Variants in LRRIQ3 observed in about 807,000 individuals in gnomAD.
LRRIQ3 encodes the protein leucine rich repeats and IQ motif containing 3.
Under a neutral mutation model 59.3 loss-of-function variants are expected in LRRIQ3, and 75 were observed. The ratio of observed to expected loss-of-function variants is 1.26; its 90% confidence interval spans 1.05 to 1.53. The LOEUF is 1.53. Among genes scored for constraint, LRRIQ3 ranks in the 40% most tolerant of loss-of-function variants. The pLI is 0.00. For missense variants in LRRIQ3, 831 were observed against 710.0 expected (o/e 1.17, Z -1.94); for synonymous variants, 250 against 231.3 (o/e 1.08, Z -0.73).
At chr1:74,165,962 C>T (rs988175038) in intron 3 of LRRIQ3, among the ~76,000 whole-genome samples, 7 of 151,580 alleles carry the variant, frequency 4.6e-5, no homozygotes, top group Non-Finnish European at 8.9e-5. Context: ...GAATTGTATT[C>T]GCTAATATTT....
At position 74,198,121 on chromosome 1, in the gene LRRIQ3, A is replaced by T; in HGVS notation, c.-126T>A. 1 of 1,409,626 alleles carries T rather than the reference A, an allele frequency of 7.1e-7. No individual in the cohort carries two copies. Among genetic ancestry groups the T allele is most frequent in the Non-Finnish European group, 9.4e-7 (1 of 1,067,982 alleles). 87.3% of individuals were successfully genotyped at this position (1,409,626 alleles called of 1,614,324 possible). A position where few individuals can be genotyped will look rare whatever the true frequency, so the allele number is the denominator to read the frequency against. On this transcript the variant is annotated 5_prime_UTR_variant, in exon 1 of 8. In the 5' UTR this introduces an upstream ATG that the reference lacks. Coordinates refer to ENST00000354431, the MANE Select transcript of LRRIQ3 (RefSeq NM_001105659.2). ...TGCTAGAGAAACAAGACAACATCCA[A>T]GTTCTCCACATCATGGTTTTCCGGG...
At chr1:74,030,052 C>T (rs924792269) in intron 7 of LRRIQ3, among the ~76,000 whole-genome samples, 9 of 152,014 alleles carry the variant, frequency 5.9e-5, no homozygotes, top group Non-Finnish European at 1.3e-4. Flanking sequence ...ACCTAGGGAT[C>T]CAACTTACCA....
intron 3 of LRRIQ3, among the ~76,000 whole-genome samples, chr1:74,172,616 T>C (rs900063816): frequency 2.0e-5 from 3 of 152,192 alleles, no homozygotes; most frequent in Admixed American, 2.0e-4. Context: ...TATTCAAGTC[T>C]GCTGTTCCCT....
chr1:74,195,123 GA>G (rs930888834), intron 1 of LRRIQ3, among the ~76,000 whole-genome samples: 5 of 151,784 alleles, frequency 3.3e-5, no homozygotes, highest in African/African-American at 7.3e-5. Context: ...GGCATAGTGA[GA>G]AAAAAAATAT....
chr1:74,130,415 T>C (rs1474136830), intron 4 of LRRIQ3, among the ~76,000 whole-genome samples: 1 of 152,064 alleles, frequency 6.6e-6, no homozygotes, highest in East Asian at 1.9e-4. Flanking sequence ...AGTTCCACAA[T>C]TACTGTGTTC....
intron 4 of LRRIQ3, among the ~76,000 whole-genome samples, chr1:74,143,387 G>T (rs1647353833): frequency 6.6e-6 from 1 of 151,852 alleles, no homozygotes; most frequent in Non-Finnish European, 1.5e-5. Flanking sequence ...AAATTTTGAA[G>T]ATGCAAAATT....
rs777719629 is a variant in LRRIQ3 at position 74,180,724 on chromosome 1, C to T, written c.573+1814G>A. ...GAAATCCCACCTCATGACTCATTTG[C>T]TGTCCAATATTGGGTAAGTTCCTAA... On this transcript the variant is annotated intron_variant, in intron 3 of 7. Coordinates refer to ENST00000354431, the MANE Select transcript of LRRIQ3 (RefSeq NM_001105659.2). 18 of 1,549,770 alleles carry T rather than the reference C, an allele frequency of 1.2e-5. No individual in the cohort carries two copies. The African/African-American group carries it at 1.8e-4, about 15-fold the overall frequency.
At chr1:74,186,433 G>A (rs1265381388) in intron 1 of LRRIQ3, among the ~76,000 whole-genome samples, 1 of 152,136 alleles carries the variant, frequency 6.6e-6, no homozygotes, top group Non-Finnish European at 1.5e-5. Context: ...CTACACTTGT[G>A]TGAGACATTC....
At chr1:74,152,758 G>C (rs1369131709) in intron 4 of LRRIQ3, among the ~76,000 whole-genome samples, 2 of 152,140 alleles carry the variant, frequency 1.3e-5, no homozygotes, top group African/African-American at 4.8e-5. Context: ...GAAAGGACTA[G>C]AGCTGTTTGG....
chr1:74,088,209 A>C (rs1646351027), intron 5 of LRRIQ3, among the ~76,000 whole-genome samples: 1 of 152,154 alleles, frequency 6.6e-6, no homozygotes, highest in South Asian at 2.1e-4. Flanking sequence ...ATCCATTATG[A>C]GTCTAAAAAT....
chr1:74,149,892 C>G (rs532506163), intron 4 of LRRIQ3, among the ~76,000 whole-genome samples: 148 of 152,286 alleles, frequency 9.7e-4, no homozygotes, highest in Non-Finnish European at 1.9e-3. Flanking sequence ...ATCCTTAAAA[C>G]AGTAGCCAAA....
At chr1:74,180,697 T>A in intron 3 of LRRIQ3, 1 of 1,548,008 alleles carries the variant, frequency 6.5e-7, no homozygotes, top group South Asian at 1.2e-5. Flanking sequence ...TGCAGACTTG[T>A]TGAAATCCCA....
At chr1:74,148,972 T>G (rs555766065) in intron 4 of LRRIQ3, among the ~76,000 whole-genome samples, 1 of 152,320 alleles carries the variant, frequency 6.6e-6, no homozygotes, top group African/African-American at 2.4e-5. Context: ...GGTGTTATTT[T>G]CCTCTTTTAG....
At chr1:74,067,895 T>C (rs1385008966) in intron 6 of LRRIQ3, among the ~76,000 whole-genome samples, 1 of 152,110 alleles carries the variant, frequency 6.6e-6, no homozygotes, top group Non-Finnish European at 1.5e-5. Context: ...TTGGAGGTCT[T>C]CTTTTTCTTT....
intron 4 of LRRIQ3, among the ~76,000 whole-genome samples, chr1:74,116,036 C>A (rs1294752573): frequency 6.6e-6 from 1 of 151,858 alleles, no homozygotes; most frequent in African/African-American, 2.4e-5. Flanking sequence ...CCAAAATATA[C>A]ATTCTTTCTT....
At position 74,034,125 on chromosome 1, in the gene LRRIQ3, T is replaced by G. The variant is rs556876401; in HGVS notation, c.1718+7088A>C. On this transcript the variant is annotated intron_variant, in intron 7 of 7. Coordinates refer to ENST00000354431, the MANE Select transcript of LRRIQ3 (RefSeq NM_001105659.2). Reference sequence around the variant, plus strand: ...ATAGCAGGATTAGGGAGCTACATTCTCAATAATGACTTCACTAGTTATGGA... The same window carrying G: ...ATAGCAGGATTAGGGAGCTACATTCGCAATAATGACTTCACTAGTTATGGA... 6.6e-5 allele frequency among the ~76,000 whole-genome samples: 10 copies of G among 152,114 alleles called. No individual in the cohort carries two copies. In the South Asian group the frequency reaches 2.1e-3, roughly 32 times the overall value.
At position 74,041,731 on chromosome 1, in the gene LRRIQ3, C is replaced by A. The variant is rs1368480756; in HGVS notation, c.1200G>T (p.Leu400Phe). The A allele has an allele frequency of 2.5e-6, 4 of 1,613,620 alleles. No individual in the cohort carries two copies. Among genetic ancestry groups the A allele is most frequent in the Non-Finnish European group, 2.5e-6 (3 of 1,179,770 alleles). ...PKPIIKKDIRLERSMKEFFAP... is the reference protein window; with the variant it reads ...PKPIIKKDIRFERSMKEFFAP... ...CAAAAAACTCTTTCATACTCCGCTC[C>A]AATCGTATGTCTTTTTTAATGATTG... Residue 400 changes from leucine (L) to phenylalanine (F), a missense_variant, in exon 7 of 8, where the codon TTG becomes TTT. Transcript: ENST00000354431.
chr1:74,052,897 G>C (rs989619579), intron 6 of LRRIQ3, among the ~76,000 whole-genome samples: 1 of 151,794 alleles, frequency 6.6e-6, no homozygotes. Context: ...CAATTTCCTT[G>C]TTCACTATTC....
At chr1:74,167,266 G>A (rs1185549453) in intron 3 of LRRIQ3, among the ~76,000 whole-genome samples, 1 of 151,664 alleles carries the variant, frequency 6.6e-6, no homozygotes, top group East Asian at 1.9e-4. Flanking sequence ...CATGGAATAC[G>A]ACTCAGCCAT....
Sources: gnomAD v4.1 joint callset for allele counts (sites outside exome capture counted in the v4.1 genomes callset) on GRCh38, gnomAD v4.1.1 for gene constraint, MANE v1.5 for transcripts, NCBI Gene and HGNC (gene_info 2026-07-23, HGNC 2026-07-21) for gene names.